PRKG1: variants seen among roughly 807,000 people sequenced by gnomAD.
PRKG1 encodes the protein cGMP-dependent protein kinase 1.
A neutral mutation model predicts 88.1 loss-of-function variants in PRKG1; 35 were observed. The observed-to-expected ratio is 0.40, with a 90% CI of 0.30 to 0.53. The LOEUF (loss-of-function observed/expected upper bound fraction) is 0.53, where lower values mean the gene tolerates loss of function less well. Among genes scored for constraint, PRKG1 ranks in the 20% least tolerant of loss-of-function variants. The probability of loss-of-function intolerance (pLI) is 0.59; values close to 1 mark genes in which losing one functional copy is unlikely to be tolerated. For missense variants in PRKG1, 540 were observed against 839.8 expected (o/e 0.64, Z 4.41); for synonymous variants, 303 against 292.5 (o/e 1.04, Z -0.37).
chr10:51,455,063 C>T (rs1168694376), intron 2 of PRKG1, among the ~76,000 whole-genome samples: 1 of 152,226 alleles, frequency 6.6e-6, no homozygotes, highest in East Asian at 1.9e-4. Context: ...GAAATCTAGG[C>T]AGAGGTTCCC....
At chr10:52,013,722 A>C (rs1844960788) in intron 5 of PRKG1, among the ~76,000 whole-genome samples, 5 of 152,192 alleles carry the variant, frequency 3.3e-5, no homozygotes, top group Admixed American at 3.3e-4. Flanking sequence ...GTGTGTTTGA[A>C]GTGGGGACCC....
chr10:52,267,412 A>C (rs752058786), intron 10 of PRKG1, among the ~76,000 whole-genome samples: 8 of 152,086 alleles, frequency 5.3e-5, no homozygotes, highest in Non-Finnish European at 1.2e-4. Context: ...CAATAATAAT[A>C]AATAGCTATT....
At chr10:51,951,460 T>C (rs10508952) in intron 5 of PRKG1, among the ~76,000 whole-genome samples, 17,021 of 152,168 alleles carry the variant, frequency 0.11, 1,208 homozygotes, top group East Asian at 0.35. Flanking sequence ...TACACAGAAA[T>C]GATAAAATTC....
chr10:51,988,802 G>A (rs182554596), intron 5 of PRKG1, among the ~76,000 whole-genome samples: 2 of 151,750 alleles, frequency 1.3e-5, no homozygotes, highest in Admixed American at 6.6e-5. Flanking sequence ...CCTCTTTATA[G>A]CTTGTCTGTT....
intron 1 of PRKG1, among the ~76,000 whole-genome samples, chr10:51,007,637 C>T (rs1270045430): frequency 6.6e-6 from 1 of 152,168 alleles, no homozygotes; most frequent in Non-Finnish European, 1.5e-5. Context: ...CATCTTTGAC[C>T]TTCAATTTCC....
At chr10:51,761,573 T>A (rs1416571625) in intron 3 of PRKG1, among the ~76,000 whole-genome samples, 1 of 152,202 alleles carries the variant, frequency 6.6e-6, no homozygotes, top group African/African-American at 2.4e-5. Context: ...GAAGAAACAG[T>A]ATTTTTATGC....
At chr10:51,863,801 T>C (rs2132841269) in intron 4 of PRKG1, among the ~76,000 whole-genome samples, 1 of 152,344 alleles carries the variant, frequency 6.6e-6, no homozygotes, top group East Asian at 1.9e-4. Flanking sequence ...TGTCCTGCTA[T>C]AGGAGCACAA....
chr10:51,721,726 A>G lies in PRKG1; in HGVS notation c.593-82859A>G, dbSNP rs149353375. Among the ~76,000 whole-genome samples the G allele has an allele frequency of 4.9e-3, 708 of 145,920 alleles. 4 individuals carry two copies. The highest frequency in any genetic ancestry group is 6.8e-3 in the Non-Finnish European group (450 of 65,754). ...AGGCAGTATAGAGGATATTATTATC[A>G]TAACCAGTGGTATTTTCTTATATTT... On this transcript the variant is annotated intron_variant, in intron 3 of 17. Coordinates refer to ENST00000373980, the MANE Select transcript of PRKG1 (RefSeq NM_006258.4).
chr10:51,938,468 G>C (rs552438399), intron 5 of PRKG1, among the ~76,000 whole-genome samples: 1 of 152,094 alleles, frequency 6.6e-6, no homozygotes, highest in East Asian at 1.9e-4. Flanking sequence ...ATGTGGTTTA[G>C]AGCAAGGTGG....
At chr10:51,997,743 G>C (rs1426776879) in intron 5 of PRKG1, among the ~76,000 whole-genome samples, 1 of 151,768 alleles carries the variant, frequency 6.6e-6, no homozygotes, top group African/African-American at 2.4e-5. Flanking sequence ...GTATTTTTTT[G>C]GGTTTTTCTA....
intron 1 of PRKG1, among the ~76,000 whole-genome samples, chr10:51,098,128 T>C (rs1334559359): frequency 3.3e-5 from 5 of 152,170 alleles, no homozygotes; most frequent in Admixed American, 2.0e-4. Context: ...TAATAATACA[T>C]GTCTGAGAGA....
chr10:52,027,801 T>G (rs1564436470), intron 5 of PRKG1, among the ~76,000 whole-genome samples: 1 of 151,964 alleles, frequency 6.6e-6, no homozygotes, highest in East Asian at 1.9e-4. Flanking sequence ...TTATTATTAT[T>G]TATTTGAGAC....
At chr10:51,232,976 A>G (rs1838886388) in intron 2 of PRKG1, among the ~76,000 whole-genome samples, 1 of 152,240 alleles carries the variant, frequency 6.6e-6, no homozygotes, top group Non-Finnish European at 1.5e-5. Context: ...ATTTGAACAA[A>G]GTGGGCTCAA....
intron 11 of PRKG1, among the ~76,000 whole-genome samples, chr10:52,272,012 T>C (rs1230489618): frequency 6.6e-6 from 1 of 152,088 alleles, no homozygotes; most frequent in African/African-American, 2.4e-5. Flanking sequence ...ATATGAAATT[T>C]ATACATGTCT....
chr10:52,014,720 A>C (rs957464633), intron 5 of PRKG1, among the ~76,000 whole-genome samples: 2 of 152,238 alleles, frequency 1.3e-5, no homozygotes, highest in Non-Finnish European at 2.9e-5. Flanking sequence ...AGTTACTCCC[A>C]AGATATAATG....
At chr10:51,034,824 G>A (rs1843333675) in intron 1 of PRKG1, among the ~76,000 whole-genome samples, 1 of 151,156 alleles carries the variant, frequency 6.6e-6, no homozygotes, top group Non-Finnish European at 1.5e-5. Flanking sequence ...GAAAACAGTA[G>A]GACAAAAGAC....
At chr10:52,217,247 G>C (rs1840133460) in intron 9 of PRKG1, among the ~76,000 whole-genome samples, 1 of 151,930 alleles carries the variant, frequency 6.6e-6, no homozygotes, top group African/African-American at 2.4e-5. Context: ...TTTTTAATTG[G>C]GGAGGAATAA....
At chr10:51,432,519 A>T (rs547507521) in intron 2 of PRKG1, among the ~76,000 whole-genome samples, 6 of 152,296 alleles carry the variant, frequency 3.9e-5, no homozygotes, top group African/African-American at 1.4e-4. Flanking sequence ...GTTTAAACAG[A>T]TGAATGAAAT....
At chr10:52,112,332 G>C in intron 7 of PRKG1, among the ~76,000 whole-genome samples, 1 of 151,954 alleles carries the variant, frequency 6.6e-6, no homozygotes, top group Admixed American at 6.6e-5. Flanking sequence ...TGGAGCTTCA[G>C]TTTCCTCCAA....
Sources: allele counts gnomAD v4.1 joint callset (sites outside exome capture counted in the v4.1 genomes callset), GRCh38; gene constraint gnomAD v4.1.1; transcripts MANE v1.5; gene names NCBI Gene and HGNC (gene_info 2026-07-23, HGNC 2026-07-21).